Variants in UIMC1 observed in about 807,000 individuals in gnomAD.
UIMC1 encodes ubiquitin interaction motif containing 1.
UIMC1 carries 42 observed loss-of-function variants against 84.9 expected under a neutral mutation model. The ratio of observed to expected loss-of-function variants is 0.49; its 90% CI spans 0.39 to 0.64. The LOEUF (loss-of-function observed/expected upper bound fraction) is 0.64. Ranked by LOEUF, UIMC1 falls within the 30% of genes least tolerant of loss-of-function variation. The pLI is 0.00. For missense variants in UIMC1, 825 were observed against 847.6 expected, an observed-to-expected ratio of 0.97 and a Z score of 0.33; for synonymous variants, 281 against 293.0, an observed-to-expected ratio of 0.96 and a Z score of 0.42.
chr5:176,943,243 A>T lies in UIMC1; in HGVS notation c.1597+92T>A. On this transcript the variant is annotated intron_variant, in intron 10 of 14. Transcript: ENST00000511320. ...CCAACAACAACTTTAACTTTGAAGA[A>T]CAGCTATGTTTTTTCCCTGCATTGT... 2.1e-6 allele frequency: 3 copies of T among 1,431,648 alleles called. No homozygotes were observed. The South Asian group carries it at 4.8e-5, about 23-fold the overall frequency. The allele number at this position is 1,431,648 out of a possible 1,614,324, so 88.7% of individuals were successfully genotyped here. A position where few individuals can be genotyped will look rare whatever the true frequency, so the allele number is the denominator to read the frequency against.
intron 10 of UIMC1, among the ~76,000 whole-genome samples, chr5:176,921,522 C>G (rs1761705355): frequency 6.6e-6 from 1 of 152,100 alleles, no homozygotes; most frequent in Admixed American, 6.5e-5. Context: ...CCTGTTCCTG[C>G]CCCAGTGTTC....
At chr5:177,003,870 C>G (rs1774895860) in intron 1 of UIMC1, among the ~76,000 whole-genome samples, 2 of 152,146 alleles carry the variant, frequency 1.3e-5, no homozygotes, top group South Asian at 4.1e-4. Flanking sequence ...AGGCCTCACT[C>G]TGTGATGGAG....
chr5:176,984,673 A>T (rs1165335861), intron 1 of UIMC1, among the ~76,000 whole-genome samples: 2 of 50,786 alleles, frequency 3.9e-5, no homozygotes, highest in Admixed American at 2.9e-4. Flanking sequence ...TGGGGAAAAG[A>T]AAGAGAGATC....
chr5:176,941,081 A>T (rs1425052092), intron 10 of UIMC1, among the ~76,000 whole-genome samples: 1 of 152,260 alleles, frequency 6.6e-6, no homozygotes, highest in Non-Finnish European at 1.5e-5. Context: ...GAGGCTCAGT[A>T]CTGTGTGATT....
intron 9 of UIMC1, among the ~76,000 whole-genome samples, chr5:176,949,109 TTA>T (rs1006791378): frequency 6.6e-6 from 1 of 151,786 alleles, no homozygotes; most frequent in Non-Finnish European, 1.5e-5. Flanking sequence ...ATTTATTTAT[TTA>T]TTTTTTTAAA....
intron 11 of UIMC1, among the ~76,000 whole-genome samples, chr5:176,909,108 TA>T (rs1378322478): frequency 6.6e-6 from 1 of 152,250 alleles, no homozygotes; most frequent in Admixed American, 6.5e-5. Flanking sequence ...TTGACATTTT[TA>T]CCAGGGTGGA....
intron 10 of UIMC1, among the ~76,000 whole-genome samples, 198 bp from the exon 11 acceptor site, chr5:176,911,587 A>C (rs756691664): frequency 6.6e-6 from 1 of 152,174 alleles, no homozygotes; most frequent in Non-Finnish European, 1.5e-5. Context: ...TGTTTTGACA[A>C]TATTCTGTCC....
At chr5:176,937,779 AG>A (rs1378228781) in intron 10 of UIMC1, among the ~76,000 whole-genome samples, 11 of 152,218 alleles carry the variant, frequency 7.2e-5, no homozygotes, top group Non-Finnish European at 1.3e-4. Context: ...GATCCGCTTC[AG>A]GGGAAGACAG....
chr5:176,917,336 C>T lies in UIMC1; in HGVS notation c.1598-5947G>A, dbSNP rs551732964. Among the ~76,000 whole-genome samples, 342 of 152,234 alleles carry T rather than the reference C, an allele frequency of 2.2e-3. 2 individuals carry two copies. The highest frequency in any genetic ancestry group is 7.7e-3 in the African/African-American group (318 of 41,558). ...CCTGTAATCCCAGCACTTTGGGAGG[C>T]CAAGGCAGGCGGATCACTTGGGGTC... is the stretch of plus-strand genomic sequence containing the variant. On this transcript the variant is annotated intron_variant, in intron 10 of 14. Transcript: ENST00000511320.
chr5:176,940,225 G>T (rs199689139), intron 10 of UIMC1, among the ~76,000 whole-genome samples: 1 of 152,150 alleles, frequency 6.6e-6, no homozygotes, highest in East Asian at 1.9e-4. Context: ...AAGGAAGACC[G>T]GCTTAACAGC....
intron 11 of UIMC1, among the ~76,000 whole-genome samples, chr5:176,910,473 T>C (rs1417309106): frequency 1.3e-5 from 2 of 152,232 alleles, no homozygotes; most frequent in East Asian, 1.9e-4. Context: ...TATAAGACCA[T>C]AGTTAGACTA....
chr5:177,000,556 A>G (rs1774306621), intron 1 of UIMC1, among the ~76,000 whole-genome samples: 1 of 135,612 alleles, frequency 7.4e-6, no homozygotes, highest in Non-Finnish European at 1.5e-5. Context: ...GCTGGAGTGC[A>G]ATGGCACAAT....
Position 176,908,681 on chromosome 5 carries a change from A to G in UIMC1, c.1690T>C (p.Tyr564His), listed in dbSNP as rs115224789. The change falls in exon 12 of 15, where the codon TAC becomes CAC. Residue 564 changes from tyrosine (Y) to histidine (H), a missense_variant. Coordinates refer to ENST00000511320, the MANE Select transcript of UIMC1 (RefSeq NM_001199298.2). ...AATGGGACCAGGGATTTACAGAGGT[A>G]ACACTTCTCATTCCTATCCAATAAG... ...SLDIDKNEKCYLCKSLVPFRE... is the reference protein window; with the variant it reads ...SLDIDKNEKCHLCKSLVPFRE... 3.7e-3 allele frequency: 5,975 copies of G among 1,613,620 alleles called. 19 individuals are homozygous for G. The highest frequency in any genetic ancestry group is 4.8e-3 in the Non-Finnish European group (5,617 of 1,179,684).
chr5:177,016,818 T>A (rs1307941445), intron 1 of UIMC1, among the ~76,000 whole-genome samples: 2 of 151,188 alleles, frequency 1.3e-5, no homozygotes, highest in Admixed American at 1.3e-4. Flanking sequence ...AGGTCAGGAG[T>A]TCAAGACCAC....
chr5:176,912,701 T>C (rs1446753983), intron 10 of UIMC1, among the ~76,000 whole-genome samples: 1 of 151,848 alleles, frequency 6.6e-6, no homozygotes, highest in Non-Finnish European at 1.5e-5. Flanking sequence ...AGTCTCGCTC[T>C]GTCACGCAGG....
intron 1 of UIMC1, among the ~76,000 whole-genome samples, chr5:176,989,408 C>T (rs1264472507): frequency 8.6e-5 from 13 of 151,920 alleles, no homozygotes; most frequent in Non-Finnish European, 1.5e-5. Flanking sequence ...GTCTGTAATC[C>T]CAGCACTTTG....
intron 6 of UIMC1, among the ~76,000 whole-genome samples, chr5:176,959,422 TA>T (rs1335948372): frequency 6.6e-6 from 1 of 152,066 alleles, no homozygotes; most frequent in Non-Finnish European, 1.5e-5. Flanking sequence ...TGTAATTGTT[TA>T]AAAAAATTAT....
chr5:176,928,311 C>T (rs3923879), intron 10 of UIMC1, among the ~76,000 whole-genome samples: 63,120 of 151,936 alleles, frequency 0.42, 13,402 homozygotes, highest in East Asian at 0.48. Flanking sequence ...TATTTACTAT[C>T]TGTTCCTTTC....
chr5:176,974,078 C>G (rs1384279671), intron 3 of UIMC1, among the ~76,000 whole-genome samples: 1 of 151,898 alleles, frequency 6.6e-6, no homozygotes, highest in African/African-American at 2.4e-5. Context: ...TAGTAATAAA[C>G]AAATAATAAA....
Sources: gnomAD v4.1 joint callset for allele counts (sites outside exome capture counted in the v4.1 genomes callset) on GRCh38, gnomAD v4.1.1 for gene constraint, MANE v1.5 for transcripts, NCBI Gene and HGNC (gene_info 2026-07-23, HGNC 2026-07-21) for gene names.